Variants in SYCP2L observed in about 807,000 individuals in gnomAD.
The protein encoded by SYCP2L is synaptonemal complex protein 2-like.
A neutral mutation model predicts 125.8 loss-of-function variants in SYCP2L; 98 were observed. That is an observed-to-expected ratio of 0.78 (90% confidence interval 0.66 to 0.92). SYCP2L has a LOEUF of 0.92. SYCP2L is among the 40% of genes least tolerant of loss of function. The probability of loss-of-function intolerance (pLI) is 0.00; values close to 1 mark genes in which losing one functional copy is unlikely to be tolerated. For missense variants in SYCP2L, 842 were observed against 936.4 expected, an observed-to-expected ratio of 0.90 and a Z score of 1.32; for synonymous variants, 317 against 325.4, an observed-to-expected ratio of 0.97 and a Z score of 0.28.
At chr6:10,898,879 T>C (rs761755397) in intron 6 of SYCP2L, 31 bp downstream of exon 6, 6 of 1,277,630 alleles carry the variant, frequency 4.7e-6, no homozygotes, top group Non-Finnish European at 5.6e-6. Flanking sequence ...TAATTGGCTA[T>C]TAATTTTTCA....
At chr6:10,968,105 C>T (rs759688862) in intron 29 of SYCP2L, among the ~76,000 whole-genome samples, 27 of 152,098 alleles carry the variant, frequency 1.8e-4, no homozygotes, top group Admixed American at 3.3e-4. Context: ...TGGGCATTTC[C>T]AGTGGATAAA....
rs138994749 is a variant in SYCP2L, at chr6:10,933,382, T to C, written c.1684-1676T>C. 7.9e-5 allele frequency among the ~76,000 whole-genome samples: 12 copies of C among 152,324 alleles called. No homozygotes were observed. In the East Asian group the frequency reaches 2.3e-3, roughly 29 times the overall value. ...CTTTGCTTTCAAGAACAGCAACAGA[T>C]TAGTTTGCCAACCCCTGATACAGAG... On this transcript the variant is annotated intron_variant, in intron 20 of 29. Coordinates refer to ENST00000283141, the MANE Select transcript of SYCP2L (RefSeq NM_001040274.3).
chr6:10,968,305 A>G (rs1011094631), intron 29 of SYCP2L, among the ~76,000 whole-genome samples: 2 of 152,192 alleles, frequency 1.3e-5, no homozygotes, highest in South Asian at 2.1e-4. Context: ...TTGAAAACGG[A>G]TGCTTCATGA....
chr6:10,931,101 G>T (rs1434338974), intron 19 of SYCP2L, among the ~76,000 whole-genome samples: 1 of 152,234 alleles, frequency 6.6e-6, no homozygotes, highest in African/African-American at 2.4e-5. Flanking sequence ...AGCCCAGGAG[G>T]TCAAGGCTGC....
chr6:10,949,473 T>G (rs1781372531), intron 23 of SYCP2L, among the ~76,000 whole-genome samples: 1 of 152,156 alleles, frequency 6.6e-6, no homozygotes, highest in Non-Finnish European at 1.5e-5. Flanking sequence ...GTACAATATC[T>G]TTCCTTTAGA....
rs544538117 is a variant in SYCP2L at position 10,928,511 on chromosome 6, G to C, written c.1488+61G>C. Reference sequence around the variant, plus strand: ...GTCTCCAGTGGGACTGTGACAGGTGGAAGCCACCTTTCCTGGTTCATGGAC... The same window carrying C: ...GTCTCCAGTGGGACTGTGACAGGTGCAAGCCACCTTTCCTGGTTCATGGAC... On this transcript the variant is annotated intron_variant, in intron 18 of 29. Transcript: ENST00000283141. The C allele has an allele frequency of 3.4e-5, 51 of 1,478,466 alleles. No homozygotes were observed. The South Asian group carries it at 6.8e-4, about 20-fold the overall frequency. 91.6% of individuals were successfully genotyped at this position (1,478,466 alleles called of 1,614,324 possible).
chr6:10,947,725 CTTACATCTCTTATT>C (rs1781340984), intron 23 of SYCP2L, among the ~76,000 whole-genome samples: 1 of 151,996 alleles, frequency 6.6e-6, no homozygotes, highest in Non-Finnish European at 1.5e-5. Context: ...CCTTCTGATA[CTTACATCTCTTATT>C]TTTCATTCTT....
intron 21 of SYCP2L, among the ~76,000 whole-genome samples, chr6:10,936,631 C>T (rs1279475549): frequency 2.0e-5 from 3 of 152,132 alleles, no homozygotes; most frequent in African/African-American, 7.2e-5. Context: ...TTAAATTCTC[C>T]AATCAAAAGA....
chr6:10,914,478 G>C, intron 14 of SYCP2L, among the ~76,000 whole-genome samples: 1 of 152,054 alleles, frequency 6.6e-6, no homozygotes. Context: ...TCTTGCTTTG[G>C]CTACGTGGGC....
intron 21 of SYCP2L, among the ~76,000 whole-genome samples, chr6:10,938,797 CACTA>C (rs1561694397): frequency 1.3e-5 from 2 of 152,134 alleles, no homozygotes; most frequent in Admixed American, 1.3e-4. Flanking sequence ...CATTTCTAGA[CACTA>C]ACAGTAAACT....
chr6:10,957,220 T>C (rs1781515225), intron 25 of SYCP2L, among the ~76,000 whole-genome samples: 1 of 152,238 alleles, frequency 6.6e-6, no homozygotes, highest in Non-Finnish European at 1.5e-5. Context: ...AACAAGTTCA[T>C]ATTACTTATC....
chr6:10,938,146 A>G (rs1340508606), intron 21 of SYCP2L, among the ~76,000 whole-genome samples: 4 of 152,222 alleles, frequency 2.6e-5, no homozygotes, highest in Middle Eastern at 3.2e-3. Context: ...TGATGAACGT[A>G]TATGTAAAAA....
chr6:10,967,779 GTTCT>G (rs1781706538), intron 29 of SYCP2L, among the ~76,000 whole-genome samples: 1 of 152,124 alleles, frequency 6.6e-6, no homozygotes, highest in African/African-American at 2.4e-5. Context: ...AATAATTTCG[GTTCT>G]TTCTTCCTAG....
In SYCP2L at chr6:10,893,880, T is replaced by C. The variant is rs745616301; in HGVS notation, c.92T>C (p.Ile31Thr). 6 of 1,609,224 alleles carry C rather than the reference T, an allele frequency of 3.7e-6. No individual in the cohort carries two copies. The highest frequency in any genetic ancestry group is 5.1e-6 in the Non-Finnish European group (6 of 1,179,128). ...QDDAFWLQSL[I>T]TDAFHDKGFQ... ...TCATCTTTCCAGCTTCAATCACTTATTACGGATGCATTCCATGATAAAGGA... is the reference window on the plus strand; with the variant it reads ...TCATCTTTCCAGCTTCAATCACTTACTACGGATGCATTCCATGATAAAGGA... Residue 31 changes from isoleucine to threonine, a missense_variant, in exon 3 of 30, where the codon ATT (isoleucine) becomes ACT (threonine). Physicochemically the swap from Ile to Thr is moderately conservative, Grantham distance 89 (BLOSUM62 -1). Transcript: ENST00000283141.
chr6:10,943,616 A>G (rs534276457), intron 23 of SYCP2L, among the ~76,000 whole-genome samples: 1 of 152,322 alleles, frequency 6.6e-6, no homozygotes, highest in African/African-American at 2.4e-5. Flanking sequence ...GAACTAGAAA[A>G]TTGCCATTGG....
chr6:10,937,175 AG>A (rs1464646852), intron 21 of SYCP2L, among the ~76,000 whole-genome samples: 1 of 152,202 alleles, frequency 6.6e-6, no homozygotes, highest in Non-Finnish European at 1.5e-5. Context: ...GACATTCTCC[AG>A]AATTGATCAT....
Position 10,891,418 on chromosome 6 carries a change from ATTTTTTTTTTTT to A in SYCP2L, c.10-86_10-75del, listed in dbSNP as rs61237589. The A allele has an allele frequency of 2.1e-5, 10 of 474,180 alleles. 1 individual carries two copies. The highest frequency in any genetic ancestry group is 3.5e-5 in the Non-Finnish European group (10 of 287,376). 29.4% of individuals were successfully genotyped at this position (474,180 alleles called of 1,614,324 possible). ...TTCAGGAAAACAATACAAACCTTTAATTTTTTTTTTTTTTTTTTTTGCTTTGTGTTTAAAACT... is the reference window on the plus strand; with the variant it reads ...TTCAGGAAAACAATACAAACCTTTAATTTTTTTTGCTTTGTGTTTAAAACT... On this transcript the variant is annotated intron_variant, in intron 1 of 29. Coordinates refer to ENST00000283141, the MANE Select transcript of SYCP2L (RefSeq NM_001040274.3).
intron 18 of SYCP2L, among the ~76,000 whole-genome samples, chr6:10,928,775 A>C (rs188156741): frequency 6.6e-6 from 1 of 151,958 alleles, no homozygotes; most frequent in Admixed American, 6.5e-5. Context: ...TGGACTTAAG[A>C]GATTCTCCCA....
At chr6:10,955,413 C>T (rs569633078) in intron 24 of SYCP2L, among the ~76,000 whole-genome samples, 196 bp downstream of exon 24, 1 of 152,284 alleles carries the variant, frequency 6.6e-6, no homozygotes, top group Admixed American at 6.5e-5. Context: ...GTGCCATTAT[C>T]CCCTAGCATT....
Sources: allele counts gnomAD v4.1 joint callset (sites outside exome capture counted in the v4.1 genomes callset), GRCh38; gene constraint gnomAD v4.1.1; transcripts MANE v1.5; gene names NCBI Gene and HGNC (gene_info 2026-07-23, HGNC 2026-07-21).